The following SNTG1 variants were observed in gnomAD, a reference collection of about 807,000 sequenced individuals.
SNTG1 encodes gamma-1-syntrophin.
In SNTG1, 39 loss-of-function variants were observed where a neutral mutation model predicts 74.7. The observed-to-expected ratio is 0.52, with a 90% CI of 0.40 to 0.68. The LOEUF is 0.68. Ranked by LOEUF, SNTG1 falls within the 30% of genes least tolerant of loss-of-function variation. SNTG1 has a pLI of 0.00. For missense variants in SNTG1, 685 were observed against 609.5 expected, an observed-to-expected ratio of 1.12 and a Z score of -1.30; for synonymous variants, 254 against 217.1, an observed-to-expected ratio of 1.17 and a Z score of -1.49.
intron 2 of SNTG1, among the ~76,000 whole-genome samples, chr8:50,344,777 G>A (rs1479553920): frequency 6.6e-6 from 1 of 152,158 alleles, no homozygotes; most frequent in Non-Finnish European, 1.5e-5. Flanking sequence ...AAGAAGCTAT[G>A]AGCTGAATTG....
At chr8:49,962,673 G>T (rs951621108) in intron 1 of SNTG1, among the ~76,000 whole-genome samples, 1 of 152,114 alleles carries the variant, frequency 6.6e-6, no homozygotes, top group Non-Finnish European at 1.5e-5. Context: ...TCAACTCACT[G>T]CAACCTCTTC....
intron 11 of SNTG1, among the ~76,000 whole-genome samples, chr8:50,546,429 C>T (rs192844843): frequency 1.3e-3 from 198 of 151,964 alleles, no homozygotes; most frequent in African/African-American, 4.6e-3. Context: ...ACGTGCACAA[C>T]GTGCAGGTTT....
chr8:50,516,503 T>G (rs2130065856), intron 9 of SNTG1, among the ~76,000 whole-genome samples: 1 of 152,276 alleles, frequency 6.6e-6, no homozygotes, highest in Non-Finnish European at 1.5e-5. Flanking sequence ...TCCTCTGAGC[T>G]AAGGGATCAT....
chr8:50,056,110 T>C (rs1820002447), intron 1 of SNTG1, among the ~76,000 whole-genome samples: 2 of 152,122 alleles, frequency 1.3e-5, no homozygotes, highest in African/African-American at 4.8e-5. Context: ...CACTCCACAA[T>C]AGATAAAACA....
chr8:50,473,591 A>G (rs7827319), intron 8 of SNTG1, among the ~76,000 whole-genome samples: 110,148 of 152,110 alleles, frequency 0.72, 41,511 homozygotes, highest in East Asian at 0.84. Context: ...AATTGACGGC[A>G]GTTGTGAAGA....
intron 12 of SNTG1, among the ~76,000 whole-genome samples, chr8:50,581,933 T>G (rs16915053): frequency 0.05 from 7,602 of 152,270 alleles, 354 homozygotes; most frequent in African/African-American, 0.12. Flanking sequence ...ATGCAAAGGA[T>G]AAGATGCTTG....
At chr8:50,049,021 G>T (rs1273981941) in intron 1 of SNTG1, among the ~76,000 whole-genome samples, 3 of 151,668 alleles carry the variant, frequency 2.0e-5, no homozygotes, top group Non-Finnish European at 4.4e-5. Flanking sequence ...ACTATAATTG[G>T]TTGCTGAGAG....
At chr8:50,781,680 A>C (rs1021114107) in intron 18 of SNTG1, among the ~76,000 whole-genome samples, 13 of 152,238 alleles carry the variant, frequency 8.5e-5, no homozygotes, top group African/African-American at 3.1e-4. Flanking sequence ...TGTGTCTTTT[A>C]ATTGGAGCAT....
intron 18 of SNTG1, among the ~76,000 whole-genome samples, chr8:50,762,135 T>C (rs1201149745): frequency 6.6e-6 from 1 of 151,968 alleles, no homozygotes; most frequent in Non-Finnish European, 1.5e-5. Context: ...CGTATTTAAA[T>C]ATACTCACAT....
intron 1 of SNTG1, among the ~76,000 whole-genome samples, chr8:50,090,046 G>A (rs2079661138): frequency 6.6e-6 from 1 of 152,244 alleles, no homozygotes; most frequent in African/African-American, 2.4e-5. Context: ...GGCCGTAAGA[G>A]TGTCGTCTTC....
chr8:50,702,809 G>C (rs2095430650), intron 15 of SNTG1, among the ~76,000 whole-genome samples: 1 of 152,058 alleles, frequency 6.6e-6, no homozygotes, highest in Admixed American at 6.6e-5. Context: ...ATTTCTCCTA[G>C]GTTACACACC....
Position 50,264,525 on chromosome 8 carries a change from G to A in SNTG1, c.-28+91890G>A, listed in dbSNP as rs564665844. Among the ~76,000 whole-genome samples the A allele has an allele frequency of 1.3e-4, 19 of 151,162 alleles. No individual in the cohort carries two copies. The South Asian group carries it at 2.7e-3, about 22-fold the overall frequency. ...GCAGAAGTTGCAGTGAGCAGAGATC[G>A]CACCACTGCACTCCAGCCTGAGCAA... is the stretch of plus-strand genomic sequence containing the variant. On this transcript the variant is annotated intron_variant, in intron 2 of 18. Transcript: ENST00000642720.
At chr8:50,557,844 C>T (rs2094465499) in intron 12 of SNTG1, among the ~76,000 whole-genome samples, 1 of 152,214 alleles carries the variant, frequency 6.6e-6, no homozygotes, top group Non-Finnish European at 1.5e-5. Context: ...GATTTTTGTG[C>T]AATGTCTCCT....
At chr8:50,265,334 A>G (rs1469494767) in intron 2 of SNTG1, among the ~76,000 whole-genome samples, 4 of 152,288 alleles carry the variant, frequency 2.6e-5, no homozygotes, top group African/African-American at 9.6e-5. Context: ...TTTAAAATCA[A>G]TAATCTAATA....
chr8:50,491,619 C>T (rs894343900), intron 8 of SNTG1, among the ~76,000 whole-genome samples: 5 of 152,212 alleles, frequency 3.3e-5, no homozygotes, highest in African/African-American at 9.7e-5. Context: ...CGTGGAAGGA[C>T]GCGGGCTGAG....
chr8:50,532,798 A>G (rs189679370), intron 10 of SNTG1, among the ~76,000 whole-genome samples: 3 of 152,162 alleles, frequency 2.0e-5, no homozygotes, highest in Admixed American at 2.0e-4. Flanking sequence ...CTTTCCACAG[A>G]ATATGTGTAT....
chr8:49,975,035 G>A (rs138307503), intron 1 of SNTG1, among the ~76,000 whole-genome samples: 131 of 152,218 alleles, frequency 8.6e-4, no homozygotes, highest in African/African-American at 3.1e-3. Context: ...GTCCAGGAAA[G>A]GTTCTCTGAG....
intron 2 of SNTG1, among the ~76,000 whole-genome samples, chr8:50,287,274 T>C (rs2088839238): frequency 6.6e-6 from 1 of 152,190 alleles, no homozygotes; most frequent in Non-Finnish European, 1.5e-5. Flanking sequence ...GAATACTTAC[T>C]AGTGAAACTT....
chr8:50,448,652 C>T (rs943297964), intron 5 of SNTG1, among the ~76,000 whole-genome samples: 24 of 152,088 alleles, frequency 1.6e-4, no homozygotes, highest in African/African-American at 3.6e-4. Flanking sequence ...ATTCTTTTTC[C>T]GTTTTTAAGG....
Sources: allele counts gnomAD v4.1 joint callset (sites outside exome capture counted in the v4.1 genomes callset), GRCh38; gene constraint gnomAD v4.1.1; transcripts MANE v1.5; gene names NCBI Gene and HGNC (gene_info 2026-07-23, HGNC 2026-07-21).